The following MIPOL1 variants were observed in gnomAD, a reference collection of about 807,000 sequenced individuals.
MIPOL1 encodes mirror-image polydactyly gene 1 protein.
A neutral mutation model predicts 60.9 loss-of-function variants in MIPOL1; 57 were observed. That is an observed-to-expected ratio of 0.94 (90% CI 0.76 to 1.17). The LOEUF (loss-of-function observed/expected upper bound fraction) is 1.17, where lower values mean the gene tolerates loss of function less well. Among genes scored for constraint, MIPOL1 ranks in the 50% most tolerant of loss-of-function variants. The pLI, the probability that MIPOL1 is intolerant of heterozygous loss-of-function variation, is 0.00. For synonymous variants in MIPOL1, 179 were observed against 168.8 expected (o/e 1.06, Z -0.47); for missense variants, 551 against 511.6 (o/e 1.08, Z -0.74).
intron 3 of MIPOL1, among the ~76,000 whole-genome samples, chr14:37,254,111 C>T (rs972747425): frequency 2.0e-5 from 3 of 151,704 alleles, no homozygotes; most frequent in African/African-American, 7.2e-5. Flanking sequence ...GGCAGCTGGC[C>T]AGCAAGGATT....
chr14:37,490,507 A>T (rs1018577336), intron 11 of MIPOL1, among the ~76,000 whole-genome samples: 2 of 150,886 alleles, frequency 1.3e-5, no homozygotes, highest in Non-Finnish European at 3.0e-5. Flanking sequence ...TAGAAAAAAA[A>T]CTCCTGCAGC....
intron 1 of MIPOL1, among the ~76,000 whole-genome samples, chr14:37,239,766 T>C (rs1318667542): frequency 6.6e-6 from 1 of 152,182 alleles, no homozygotes; most frequent in Non-Finnish European, 1.5e-5. Context: ...AGAAATTAAA[T>C]CAGCTTTTGT....
At chr14:37,308,555 C>A (rs770661402) in intron 9 of MIPOL1, 36 bp downstream of exon 9, 52 of 1,383,166 alleles carry the variant, frequency 3.8e-5, no homozygotes, top group Non-Finnish European at 4.4e-5. Context: ...CATATACTTA[C>A]CATTTTCCTC....
chr14:37,460,210 A>G (rs374261934), intron 11 of MIPOL1, among the ~76,000 whole-genome samples: 22 of 152,302 alleles, frequency 1.4e-4, no homozygotes, highest in African/African-American at 5.3e-4. Context: ...ATGGTTCAAC[A>G]TATGCAAATC....
chr14:37,414,085 T>C (rs955287977), intron 10 of MIPOL1, among the ~76,000 whole-genome samples: 1 of 152,180 alleles, frequency 6.6e-6, no homozygotes, highest in African/African-American at 2.4e-5. Flanking sequence ...AGTTTTTGTA[T>C]TGTGAATAAA....
At chr14:37,325,239 A>G (rs370484773) in intron 9 of MIPOL1, among the ~76,000 whole-genome samples, 36 of 152,250 alleles carry the variant, frequency 2.4e-4, no homozygotes, top group East Asian at 1.7e-3. Flanking sequence ...TTAAATTGTA[A>G]TAATCTTTAA....
intron 3 of MIPOL1, among the ~76,000 whole-genome samples, chr14:37,266,457 G>A (rs1438495297): frequency 6.6e-6 from 1 of 152,078 alleles, no homozygotes; most frequent in Non-Finnish European, 1.5e-5. Flanking sequence ...ACTAAGGAAA[G>A]CCTCTATATC....
intron 5 of MIPOL1, among the ~76,000 whole-genome samples, 199 bp downstream of exon 5, chr14:37,268,992 C>T (rs10145536): frequency 0.53 from 80,983 of 151,740 alleles, 24,227 homozygotes; most frequent in Non-Finnish European, 0.66. Context: ...TGATTTCATA[C>T]CTTGCTGGTC....
At chr14:37,496,657 C>T (rs1242122075) in intron 11 of MIPOL1, among the ~76,000 whole-genome samples, 1 of 151,338 alleles carries the variant, frequency 6.6e-6, no homozygotes, top group Admixed American at 6.6e-5. Context: ...AAAGAGGATA[C>T]AAACAAATGG....
intron 11 of MIPOL1, among the ~76,000 whole-genome samples, chr14:37,478,894 T>G (rs1019100907): frequency 3.3e-5 from 5 of 151,464 alleles, no homozygotes; most frequent in Admixed American, 6.6e-5. Flanking sequence ...AGTCAAAAAC[T>G]GTAAAAAAAA....
At chr14:37,459,536 C>A (rs1312854688) in intron 11 of MIPOL1, among the ~76,000 whole-genome samples, 1 of 152,002 alleles carries the variant, frequency 6.6e-6, no homozygotes, top group African/African-American at 2.4e-5. Context: ...ATTTTTCCAA[C>A]AACAACAAAA....
rs560790631 is a variant in MIPOL1 at position 37,316,233 on chromosome 14, G to T, written c.828+7714G>T. ...TTTAGTAGAAACGGGGTTTCATCAT[G>T]TTGGCCAGGCTAGTCTTGAACTCCT... On this transcript the variant is annotated intron_variant, in intron 9 of 12. Transcript: ENST00000684589. 2.0e-4 allele frequency among the ~76,000 whole-genome samples: 31 copies of T among 152,116 alleles called. No individual in the cohort carries two copies. In the South Asian group the frequency reaches 6.4e-3, roughly 32 times the overall value.
At chr14:37,355,456 C>A (rs1170995607) in intron 9 of MIPOL1, among the ~76,000 whole-genome samples, 2 of 150,976 alleles carry the variant, frequency 1.3e-5, no homozygotes, top group South Asian at 2.1e-4. Context: ...GTTGGCCTGC[C>A]TTGCTAGATT....
At chr14:37,198,966 AAATT>A (rs557327662) in intron 1 of MIPOL1, among the ~76,000 whole-genome samples, 213 of 152,338 alleles carry the variant, frequency 1.4e-3, no homozygotes, top group African/African-American at 4.7e-3. Context: ...TATGCCAATA[AAATT>A]AATTAAAACA....
chr14:37,500,066 A>C lies in MIPOL1; in HGVS notation c.1190A>C (p.Glu397Ala), dbSNP rs775103194. 2 of 1,613,968 alleles carry C rather than the reference A, an allele frequency of 1.2e-6. No homozygotes were observed. Among genetic ancestry groups the C allele is most frequent in the East Asian group, 4.5e-5 (2 of 44,858 alleles). ...LATQLQQALT[E>A]RANMELQLQH... is the part of the protein sequence containing the mutation. ...ACTCAACTGCAACAAGCTCTGACAG[A>C]GCGAGCAAATATGGAATTACAACTT... The change falls in exon 12 of 13, where the codon GAG becomes GCG. Residue 397 changes from glutamate to alanine, a missense_variant. Glu to Ala is a moderately radical substitution (Grantham distance 107). Coordinates refer to ENST00000684589, the MANE Select transcript of MIPOL1 (RefSeq NM_001388067.1).
chr14:37,510,037 A>G (rs1547008), intron 12 of MIPOL1, among the ~76,000 whole-genome samples: 113,680 of 151,458 alleles, frequency 0.75, 42,913 homozygotes, highest in East Asian at 0.85. Context: ...TAGTCTATAT[A>G]GTCTATTCAT....
intron 11 of MIPOL1, among the ~76,000 whole-genome samples, chr14:37,481,213 T>C (rs1327346178): frequency 1.3e-5 from 2 of 152,108 alleles, no homozygotes; most frequent in African/African-American, 4.8e-5. Flanking sequence ...TCCATAGCAC[T>C]TCTATGCACT....
chr14:37,433,589 T>C (rs572887087), intron 11 of MIPOL1, among the ~76,000 whole-genome samples: 2 of 152,248 alleles, frequency 1.3e-5, no homozygotes, highest in Non-Finnish European at 2.9e-5. Flanking sequence ...CAAGTCTCGA[T>C]CTGTTGCCCA....
At chr14:37,357,723 TATTG>T (rs749614088) in intron 9 of MIPOL1, among the ~76,000 whole-genome samples, 34 of 152,076 alleles carry the variant, frequency 2.2e-4, no homozygotes, top group Non-Finnish European at 4.4e-4. Flanking sequence ...CTCTTCTCTT[TATTG>T]ATTGTTTCCT....
Sources: allele counts gnomAD v4.1 joint callset (sites outside exome capture counted in the v4.1 genomes callset), GRCh38; gene constraint gnomAD v4.1.1; transcripts MANE v1.5; gene names NCBI Gene and HGNC (gene_info 2026-07-23, HGNC 2026-07-21).